The following CELF2 variants were observed in gnomAD, a reference collection of about 807,000 sequenced individuals.
The protein encoded by CELF2 is CUGBP Elav-like family member 2.
CELF2 carries 8 observed loss-of-function variants against 62.6 expected under a neutral mutation model. That is an observed-to-expected ratio of 0.13 (90% CI 0.07 to 0.23). CELF2 has a LOEUF of 0.23. CELF2 is among the 10% of genes least tolerant of loss of function. CELF2 has a pLI of 1.00. For missense variants in CELF2, 333 were observed against 671.0 expected, an observed-to-expected ratio of 0.50 and a Z score of 5.56; for synonymous variants, 258 against 250.0, an observed-to-expected ratio of 1.03 and a Z score of -0.30.
At chr10:10,659,963 C>T in the CELF2 span, among the ~76,000 whole-genome samples, 103 of 152,080 alleles carry the variant, frequency 6.8e-4, no homozygotes, top group African/African-American at 2.3e-3. Context: ...GGTGGCGTGA[C>T]GACAAAAGCA....
chr10:11,179,559 C>G (rs1005276140), intron 2 of CELF2, among the ~76,000 whole-genome samples: 3 of 152,198 alleles, frequency 2.0e-5, no homozygotes, highest in African/African-American at 7.2e-5. Flanking sequence ...AGTTACTATT[C>G]TGTGGAGCAG....
chr10:10,988,134 T>TA (rs896099295), intron 2 of CELF2, among the ~76,000 whole-genome samples: 8 of 152,072 alleles, frequency 5.3e-5, no homozygotes, highest in African/African-American at 1.9e-4. Flanking sequence ...AAAAGGCACT[T>TA]ACACATGCTT....
chr10:11,217,604 A>C lies in CELF2; in HGVS notation c.354+97A>C. ...TTATGGGCTCTTAGTGCCAAAAATG[A>C]CTTTGGTCTTTTGAGGAGTGTGTGC... On this transcript the variant is annotated intron_variant, in intron 3 of 12. Transcript: ENST00000633077. This position sits in a 1 kb window ranked among gnomAD's most constrained non-coding sequence, Gnocchi z 5.6. The C allele has an allele frequency of 1.1e-6, 1 of 906,846 alleles. No homozygotes were observed. Among genetic ancestry groups the C allele is most frequent in the Non-Finnish European group, 1.7e-6 (1 of 581,710 alleles). 56.2% of individuals were successfully genotyped at this position (906,846 alleles called of 1,614,324 possible).
chr10:10,576,620 C>G, the CELF2 span, among the ~76,000 whole-genome samples: 4 of 152,084 alleles, frequency 2.6e-5, no homozygotes, highest in African/African-American at 9.7e-5. Flanking sequence ...TACTTTTACC[C>G]ATGCTATTTT....
chr10:11,153,768 A>G (rs761413414), intron 1 of CELF2, among the ~76,000 whole-genome samples: 11 of 152,264 alleles, frequency 7.2e-5, no homozygotes, highest in Non-Finnish European at 1.6e-4. Flanking sequence ...AATGTTGATC[A>G]GTCCCTAAAC....
At chr10:10,658,880 T>C in the CELF2 span, among the ~76,000 whole-genome samples, 1 of 152,146 alleles carries the variant, frequency 6.6e-6, no homozygotes, top group African/African-American at 2.4e-5. Flanking sequence ...AGAGAATATC[T>C]AGGTCTTTTT....
chr10:11,279,107 T>C (rs538302758), intron 8 of CELF2, among the ~76,000 whole-genome samples: 1 of 152,294 alleles, frequency 6.6e-6, no homozygotes, highest in Admixed American at 6.5e-5. Flanking sequence ...TTTTTCTTTT[T>C]AGGGGGGATT....
chr10:10,783,867 A>T, the CELF2 span, among the ~76,000 whole-genome samples: 2 of 152,186 alleles, frequency 1.3e-5, no homozygotes, highest in Non-Finnish European at 2.9e-5. Context: ...ACACACCTGT[A>T]GTCCCAGCTA....
Position 11,267,670 on chromosome 10 carries a change from TTTTA to T in CELF2, c.618+997_618+1000del, listed in dbSNP as rs985704953. ...CTGTTTTCCCCCCATTTTGTTGGGG[TTTTA>T]TTTTTTTGTTTGTTTGTTTTTGTTT... On this transcript the variant is annotated intron_variant, in intron 6 of 12. Coordinates refer to ENST00000633077, the MANE Select transcript of CELF2 (RefSeq NM_001326342.2). The surrounding 1 kb of genome is among the most constrained non-coding windows in gnomAD (Gnocchi z 4.4). Among the ~76,000 whole-genome samples, 5 of 152,128 alleles carry T rather than the reference TTTTA, an allele frequency of 3.3e-5. No individual in the cohort carries two copies. Among genetic ancestry groups the T allele is most frequent in the South Asian group, 2.1e-4 (1 of 4,832 alleles).
the CELF2 span, among the ~76,000 whole-genome samples, chr10:10,592,778 T>C: frequency 6.6e-6 from 1 of 152,082 alleles, no homozygotes; most frequent in African/African-American, 2.4e-5. Context: ...CTGCTAGAGG[T>C]TGGGGGTAAA....
At chr10:10,534,214 T>TATA in the CELF2 span, among the ~76,000 whole-genome samples, 50 of 134,328 alleles carry the variant, frequency 3.7e-4, no homozygotes, top group East Asian at 8.7e-3. Flanking sequence ...GAGGAGTTGT[T>TATA]AAAAAAAAAA....
At chr10:11,250,901 G>C (rs144078062) in intron 4 of CELF2, among the ~76,000 whole-genome samples, 1 of 152,218 alleles carries the variant, frequency 6.6e-6, no homozygotes, top group Non-Finnish European at 1.5e-5. Flanking sequence ...TCCATGGAGC[G>C]TGCTGGCCTG....
At chr10:10,628,134 C>T in the CELF2 span, among the ~76,000 whole-genome samples, 1 of 152,122 alleles carries the variant, frequency 6.6e-6, no homozygotes, top group Non-Finnish European at 1.5e-5. Context: ...AACTCCTGGC[C>T]TCAGGTAATC....
At position 11,008,737 on chromosome 10, in the gene CELF2, T is replaced by C. The variant is rs116923393; in HGVS notation, c.53+3297T>C. Among the ~76,000 whole-genome samples, 373 of 152,316 alleles carry C rather than the reference T, an allele frequency of 2.4e-3. 1 individual carries two copies. The Middle Eastern group carries it at 0.041, about 17-fold the overall frequency. On this transcript the variant is annotated intron_variant, in intron 1 of 12. Coordinates refer to the CELF2 transcript ENST00000416382. The surrounding 1 kb of genome is among the most constrained non-coding windows in gnomAD (Gnocchi z 4.5). ...TCTGTATTTAAGGTGTCAGAATTCA[T>C]AGACGAAAAGCATACCTTGGTTTTG...
the CELF2 span, among the ~76,000 whole-genome samples, chr10:10,584,324 AG>A: frequency 1.3e-5 from 2 of 152,186 alleles, no homozygotes; most frequent in Admixed American, 6.5e-5. Context: ...AGACCATAAA[AG>A]GGGAAATGAC....
At chr10:10,988,971 G>C (rs1406153358) in intron 2 of CELF2, among the ~76,000 whole-genome samples, 1 of 152,050 alleles carries the variant, frequency 6.6e-6, no homozygotes, top group Non-Finnish European at 1.5e-5. Flanking sequence ...CTAAAAATCT[G>C]TATGAATTTA....
At chr10:11,284,352 A>G (rs111171596) in intron 8 of CELF2, among the ~76,000 whole-genome samples, 800 of 31,984 alleles carry the variant, frequency 0.025, no homozygotes, top group Middle Eastern at 0.11. Context: ...GTGTGTGGTG[A>G]GTGGATGAGG....
chr10:11,102,570 G>A (rs2052006984), intron 1 of CELF2, among the ~76,000 whole-genome samples: 1 of 152,102 alleles, frequency 6.6e-6, no homozygotes, highest in African/African-American at 2.4e-5. Flanking sequence ...CTTGAAACTC[G>A]GGGCCCTGTT....
the CELF2 span, among the ~76,000 whole-genome samples, chr10:10,586,649 T>C: frequency 1.3e-5 from 2 of 152,112 alleles, no homozygotes; most frequent in Non-Finnish European, 2.9e-5. Flanking sequence ...ACTACCTGGG[T>C]GAACCTGGGC....
Sources: allele counts gnomAD v4.1 joint callset (sites outside exome capture counted in the v4.1 genomes callset), GRCh38; gene constraint gnomAD v4.1.1; non-coding constraint Gnocchi (gnomAD v3.1); transcripts MANE v1.5; gene names NCBI Gene and HGNC (gene_info 2026-07-23, HGNC 2026-07-21).